The following ESRRG variants were observed in gnomAD, a reference collection of about 807,000 sequenced individuals.
ESRRG encodes estrogen related receptor gamma.
A neutral mutation model predicts 44.0 loss-of-function variants in ESRRG; 13 were observed. The ratio of observed to expected loss-of-function variants is 0.30; its 90% confidence interval spans 0.19 to 0.47. The LOEUF (loss-of-function observed/expected upper bound fraction) is 0.47. ESRRG is among the 20% of genes least tolerant of loss of function. The probability of loss-of-function intolerance (pLI) is 1.00; values close to 1 mark genes in which losing one functional copy is unlikely to be tolerated. For synonymous variants in ESRRG, 215 were observed against 214.6 expected, an observed-to-expected ratio of 1.00 and a Z score of -0.02; for missense variants, 395 against 580.6, an observed-to-expected ratio of 0.68 and a Z score of 3.29.
intron 1 of ESRRG, among the ~76,000 whole-genome samples, chr1:217,106,799 T>C (rs1210364029): frequency 6.6e-6 from 1 of 152,152 alleles, no homozygotes; most frequent in Non-Finnish European, 1.5e-5. Context: ...TGACTTTGAA[T>C]TGTGACAGAC....
intron 3 of ESRRG, among the ~76,000 whole-genome samples, chr1:216,611,180 G>A (rs2060605671): frequency 9.6e-6 from 1 of 104,506 alleles, no homozygotes; most frequent in Non-Finnish European, 1.8e-5. Context: ...TCTAGCCTGG[G>A]CAATAAGAGC....
intron 3 of ESRRG, among the ~76,000 whole-genome samples, chr1:216,639,454 G>A (rs911352496): frequency 2.0e-5 from 3 of 152,122 alleles, no homozygotes; most frequent in Non-Finnish European, 4.4e-5. Flanking sequence ...CTGAGAGGGA[G>A]GCCAGGGAAA....
chr1:216,788,614 G>T (rs749968252), intron 2 of ESRRG, among the ~76,000 whole-genome samples: 1 of 152,138 alleles, frequency 6.6e-6, no homozygotes, highest in Non-Finnish European at 1.5e-5. Flanking sequence ...CTATTCTGTA[G>T]CCTATGGATC....
intron 3 of ESRRG, among the ~76,000 whole-genome samples, chr1:216,644,960 T>A (rs957585624): frequency 8.5e-5 from 13 of 152,162 alleles, no homozygotes; most frequent in African/African-American, 2.9e-4. Flanking sequence ...ATCTGACTGG[T>A]AGCAATCACA....
At chr1:216,738,166 T>C (rs2090216306) in intron 2 of ESRRG, among the ~76,000 whole-genome samples, 1 of 152,072 alleles carries the variant, frequency 6.6e-6, no homozygotes, top group Non-Finnish European at 1.5e-5. Flanking sequence ...CAGTGGTATT[T>C]TTGGGATAAG....
chr1:216,726,611 C>T (rs1455025460), upstream of ESRRG, among the ~76,000 whole-genome samples: 4 of 152,116 alleles, frequency 2.6e-5, no homozygotes, highest in African/African-American at 9.7e-5. Flanking sequence ...CACAATCTTA[C>T]CACAAGGAGT....
intron 1 of ESRRG, among the ~76,000 whole-genome samples, chr1:217,113,678 C>T (rs2092685972): frequency 1.3e-5 from 2 of 152,034 alleles, no homozygotes; most frequent in South Asian, 2.1e-4. Flanking sequence ...TGTCTACAAA[C>T]ATTTTGTTAC....
intron 2 of ESRRG, among the ~76,000 whole-genome samples, chr1:216,827,090 T>A (rs1184252950): frequency 6.6e-6 from 1 of 152,194 alleles, no homozygotes; most frequent in Non-Finnish European, 1.5e-5. Context: ...CTGAAAAAAT[T>A]ATTTATACTT....
In ESRRG at chr1:217,026,949, A is replaced by AGAGAGAGAGAGAGG. The variant is rs55861005; in HGVS notation, c.-106+62557_-106+62558insCCTCTCTCTCTCTC. On this transcript the variant is annotated intron_variant, in intron 1 of 7. Coordinates refer to the ESRRG transcript ENST00000359162. Reference sequence around the variant, plus strand: ...GAGAGAGAGAGAGAGAGAGAGAGAGAAAGCCCAGTCTAGGGTATCATGGTT... The same window carrying AGAGAGAGAGAGAGG: ...GAGAGAGAGAGAGAGAGAGAGAGAGAGAGAGAGAGAGAGGAAGCCCAGTCTAGGGTATCATGGTT... Among the ~76,000 whole-genome samples, 3 of 146,878 alleles carry AGAGAGAGAGAGAGG rather than the reference A, an allele frequency of 2.0e-5. No homozygotes were observed. In the Admixed American group the frequency reaches 2.1e-4, roughly 10 times the overall value.
intron 1 of ESRRG, among the ~76,000 whole-genome samples, chr1:217,062,988 A>T (rs2088875641): frequency 6.6e-6 from 1 of 152,146 alleles, no homozygotes; most frequent in Admixed American, 6.5e-5. Context: ...TACCTATGTG[A>T]CCAGCTGTTT....
At position 216,614,641 on chromosome 1, in the gene ESRRG, T is replaced by C. The variant is rs554732861; in HGVS notation, c.589+36332A>G. Among the ~76,000 whole-genome samples the C allele has an allele frequency of 2.4e-4, 37 of 152,344 alleles. No homozygotes were observed. The South Asian group carries it at 7.7e-3, about 32-fold the overall frequency. On this transcript the variant is annotated intron_variant, in intron 3 of 6. Coordinates refer to ENST00000408911, the MANE Select transcript of ESRRG (RefSeq NM_001438.4). ...GTCAGTATCAAAATAAAGTAATGCA[T>C]ACAGTCTTGTCAGTTCTAGTGCAGG...
intron 2 of ESRRG, among the ~76,000 whole-genome samples, chr1:216,755,923 C>T (rs1317055104): frequency 6.6e-6 from 1 of 151,934 alleles, no homozygotes; most frequent in Non-Finnish European, 1.5e-5. Context: ...TAGTAGCAAT[C>T]CAGAGATGTT....
intron 3 of ESRRG, among the ~76,000 whole-genome samples, chr1:216,579,555 C>T (rs1016050426): frequency 1.3e-5 from 2 of 152,014 alleles, no homozygotes; most frequent in African/African-American, 4.8e-5. Context: ...ATAGAAAACA[C>T]CAATGATATA....
chr1:216,720,224 TA>T (rs1291268838), intron 1 of ESRRG, among the ~76,000 whole-genome samples: 1 of 152,100 alleles, frequency 6.6e-6, no homozygotes, highest in Non-Finnish European at 1.5e-5. Context: ...CTCACTTTAG[TA>T]ATGTAATGGG....
chr1:216,535,124 T>C (rs2050558094), intron 5 of ESRRG, among the ~76,000 whole-genome samples: 1 of 152,072 alleles, frequency 6.6e-6, no homozygotes, highest in Non-Finnish European at 1.5e-5. Flanking sequence ...TGAAGTGACA[T>C]CAAGTCTCCA....
At chr1:216,740,172 A>G (rs2090491385) in intron 2 of ESRRG, among the ~76,000 whole-genome samples, 1 of 152,276 alleles carries the variant, frequency 6.6e-6, no homozygotes. Context: ...TTGTGACATG[A>G]AGTCTTCTAT....
intron 1 of ESRRG, among the ~76,000 whole-genome samples, chr1:216,708,499 C>G (rs958375453): frequency 4.0e-5 from 6 of 151,850 alleles, no homozygotes; most frequent in African/African-American, 1.5e-4. Flanking sequence ...AAATGCAAAC[C>G]AAAACCAAAA....
rs533326401 is a variant in ESRRG, at chr1:217,077,385, C to T, written c.-106+12122G>A. Among the ~76,000 whole-genome samples the T allele has an allele frequency of 2.3e-4, 35 of 152,242 alleles. No individual in the cohort carries two copies. The South Asian group carries it at 2.7e-3, about 12-fold the overall frequency. ...ATTGGAGTTATGAAAGTGGACAAGC[C>T]GAGATTTGACTTAGAGCCTTAGAGT... On this transcript the variant is annotated intron_variant, in intron 1 of 7. Coordinates refer to the ESRRG transcript ENST00000359162.
At chr1:216,784,168 T>C (rs1276251099) in intron 2 of ESRRG, among the ~76,000 whole-genome samples, 1 of 152,064 alleles carries the variant, frequency 6.6e-6, no homozygotes, top group Non-Finnish European at 1.5e-5. Flanking sequence ...TTCTTTTTTT[T>C]TATGTCTTAT....
Sources: allele counts gnomAD v4.1 joint callset (sites outside exome capture counted in the v4.1 genomes callset), GRCh38; gene constraint gnomAD v4.1.1; transcripts MANE v1.5; gene names NCBI Gene and HGNC (gene_info 2026-07-23, HGNC 2026-07-21).